Variants in PRDX3 observed in about 807,000 individuals in gnomAD.
PRDX3 encodes the protein thioredoxin-dependent peroxide reductase, mitochondrial.
PRDX3 carries 20 observed loss-of-function variants against 30.4 expected under a neutral mutation model. The observed-to-expected ratio is 0.66, with a 90% CI of 0.46 to 0.96. PRDX3 has a LOEUF of 0.96. Among genes scored for constraint, PRDX3 ranks in the 40% least tolerant of loss-of-function variants. The probability of loss-of-function intolerance (pLI) is 0.00; values close to 1 mark genes in which losing one functional copy is unlikely to be tolerated. For missense variants in PRDX3, 322 were observed against 318.3 expected (o/e 1.01, Z -0.09); for synonymous variants, 124 against 117.8 (o/e 1.05, Z -0.34).
intron 5 of PRDX3, among the ~76,000 whole-genome samples, chr10:119,172,023 G>A (rs1411407109): frequency 6.6e-6 from 1 of 152,234 alleles, no homozygotes; most frequent in Non-Finnish European, 1.5e-5. Context: ...ACCCAAGGTG[G>A]TGGAGGGGAC....
At chr10:119,174,389 T>C (rs9651422) in intron 3 of PRDX3, 62 bp downstream of exon 3, 1,503,801 of 1,509,846 alleles carry the variant, frequency 1, 749,040 homozygotes, top group East Asian at 1. Context: ...CAATTCAGTG[T>C]GGGAACAGGA....
chr10:119,169,255 G>C lies in PRDX3; in HGVS notation c.639C>G (p.Leu213=). The change falls in exon 6 of 7, where the codon CTC becomes CTG. Residue 213 remains leucine (L), a synonymous_variant. Coordinates refer to ENST00000298510, the MANE Select transcript of PRDX3 (RefSeq NM_006793.5). The stretch of plus-strand genomic sequence containing the variant: ...CATACTGGAACGCCTTCACCAAGCG[G>C]AGGGTTTCTTCCACGCTTCGGCCCA... ...LPVGRSVEET[L]RLVKAFQYVE... The C allele has an allele frequency of 6.2e-7, 1 of 1,613,866 alleles. No individual in the cohort carries two copies. The highest frequency in any genetic ancestry group is 8.5e-7 in the Non-Finnish European group (1 of 1,180,014).
At chr10:119,176,783 A>C (rs1848037802) in intron 2 of PRDX3, among the ~76,000 whole-genome samples, 2 of 152,230 alleles carry the variant, frequency 1.3e-5, no homozygotes, top group South Asian at 4.1e-4. Context: ...CAACATGGAA[A>C]TGTGACAAGG....
Position 119,169,318 on chromosome 10 carries a change from A to G in PRDX3, c.576T>C (p.Asn192=), listed in dbSNP as rs1268598121. The G allele has an allele frequency of 1.6e-5, 26 of 1,613,960 alleles. No individual in the cohort carries two copies. The highest frequency in any genetic ancestry group is 2.0e-5 in the Non-Finnish European group (24 of 1,179,966). The change falls in exon 6 of 7, where the codon AAT becomes AAC. Residue 192 remains asparagine, a synonymous_variant. Transcript: ENST00000298510. ...ALRGLFIIDP[N]GVIKHLSVND... ...TGACGCTCAAATGCTTGATGACTCC[A>G]TTGGGGTCAATTATGAAGAGACCTC...
In PRDX3 at chr10:119,172,411, C is replaced by A; in HGVS notation, c.522G>T (p.Val174=). ...GTGCAAGACCAGAACCTTCTAACAG[C>A]ACACCGTAGTCTCGGGAAATCTGCT... is the stretch of plus-strand genomic sequence containing the variant. The part of the protein sequence containing the change: ...LTKQISRDYG[V]LLEGSGLALR... The change falls in exon 5 of 7, where the codon GTG becomes GTT. Residue 174 remains valine, a synonymous_variant. Transcript: ENST00000298510. The A allele has an allele frequency of 6.2e-7, 1 of 1,613,936 alleles. No homozygotes were observed. Among genetic ancestry groups the A allele is most frequent in the Non-Finnish European group, 8.5e-7 (1 of 1,179,804 alleles).
At chr10:119,175,573 T>A (rs1166209470) in intron 2 of PRDX3, among the ~76,000 whole-genome samples, 2 of 151,138 alleles carry the variant, frequency 1.3e-5, no homozygotes, top group African/African-American at 2.4e-5. Context: ...TTTTTTGTAT[T>A]TTTAGTAGAG....
chr10:119,173,308 T>TAA (rs200887547), intron 4 of PRDX3, among the ~76,000 whole-genome samples: 1 of 151,720 alleles, frequency 6.6e-6, no homozygotes, highest in Non-Finnish European at 1.5e-5. Context: ...AGAGTAATAA[T>TAA]AAAAAAAATA....
chr10:119,169,403 T>C (rs775752145), intron 5 of PRDX3, 61 bp from the exon 6 acceptor site: 1 of 1,398,828 alleles, frequency 7.1e-7, no homozygotes, highest in Admixed American at 2.2e-5. Context: ...CAGTCTAACT[T>C]CTTCCCTTTT....
chr10:119,173,727 A>G lies in PRDX3; in HGVS notation c.447+10T>C, dbSNP rs1490418202. The stretch of plus-strand genomic sequence containing the variant: ...TTATAAGAGCAAAAGCTAGGGGTAC[A>G]ATGCCATACCTTTCTTGGTGTATTT... On this transcript the variant is annotated intron_variant, in intron 4 of 6. Transcript: ENST00000298510. 5 of 1,610,794 alleles carry G rather than the reference A, an allele frequency of 3.1e-6. No individual in the cohort carries two copies. The African/African-American group carries it at 5.3e-5, about 17-fold the overall frequency.
chr10:119,178,370 G>A (rs970138467), intron 1 of PRDX3, among the ~76,000 whole-genome samples: 8 of 152,200 alleles, frequency 5.3e-5, no homozygotes, highest in African/African-American at 1.9e-4. Flanking sequence ...CAGTATTTAA[G>A]GGGCTGTTCA....
At chr10:119,169,937 T>C (rs1268551010) in intron 5 of PRDX3, 2 of 152,414 alleles carry the variant, frequency 1.3e-5, no homozygotes, top group African/African-American at 4.8e-5. Flanking sequence ...GTTTATCTTC[T>C]GTGTTGGTGT....
Position 119,177,156 on chromosome 10 carries a change from G to A in PRDX3, c.37-3C>T, listed in dbSNP as rs750395077. 2.5e-6 allele frequency: 4 copies of A among 1,612,632 alleles called. No individual in the cohort carries two copies. Among genetic ancestry groups the A allele is most frequent in the Non-Finnish European group, 2.5e-6 (3 of 1,179,782 alleles). On this transcript the variant is annotated splice_polypyrimidine_tract_variant and splice_region_variant and intron_variant, in intron 1 of 6. Coordinates refer to ENST00000298510, the MANE Select transcript of PRDX3 (RefSeq NM_006793.5). ...ATGGCACTCACATGTCGGGCAACCT[G>A]GAAAGAGAAACTTTTTATTAGAAAG...
At chr10:119,172,993 C>A (rs1407728907) in intron 4 of PRDX3, among the ~76,000 whole-genome samples, 1 of 152,056 alleles carries the variant, frequency 6.6e-6, no homozygotes, top group Non-Finnish European at 1.5e-5. Flanking sequence ...GGCTGGAGTG[C>A]AGTGGTGCGA....
In PRDX3 at chr10:119,175,982, C is replaced by G. The variant is rs539601821; in HGVS notation, c.169+1039G>C. Among the ~76,000 whole-genome samples, 6 of 151,970 alleles carry G rather than the reference C, an allele frequency of 3.9e-5. No homozygotes were observed. In the South Asian group the frequency reaches 1.2e-3, roughly 32 times the overall value. The stretch of plus-strand genomic sequence containing the variant: ...TATTTTTAGTAGAGACGGGATTTCA[C>G]CAGGTTGGCCAGGATGGTCTTGAAC... On this transcript the variant is annotated intron_variant, in intron 2 of 6. Transcript: ENST00000298510.
rs765731734 is a variant in PRDX3 at position 119,169,241 on chromosome 10, G to A, written c.653C>T (p.Ala218Val). 13 of 1,613,474 alleles carry A rather than the reference G, an allele frequency of 8.1e-6. No homozygotes were observed. The highest frequency in any genetic ancestry group is 2.2e-5 in the South Asian group (2 of 91,050). The change falls in exon 6 of 7, where the codon GCG becomes GTG. Residue 218 changes from alanine to valine, a missense_variant. Transcript: ENST00000298510. ...TCCATGTGTTTCTACATACTGGAAC[G>A]CCTTCACCAAGCGGAGGGTTTCTTC... ...SVEETLRLVKAFQYVETHGEV... is the reference protein window; with the variant it reads ...SVEETLRLVKVFQYVETHGEV...
chr10:119,173,973 G>T, intron 3 of PRDX3, 101 bp from the exon 4 acceptor site: 1 of 1,247,698 alleles, frequency 8.0e-7, no homozygotes, highest in Admixed American at 2.4e-5. Flanking sequence ...GGTAAAAAAG[G>T]CAAAATGGTT....
At chr10:119,171,785 T>A (rs1313967892) in intron 5 of PRDX3, among the ~76,000 whole-genome samples, 1 of 152,172 alleles carries the variant, frequency 6.6e-6, no homozygotes, top group Non-Finnish European at 1.5e-5. Context: ...ACACAGCTAT[T>A]AAGTAGCTGA....
chr10:119,177,178 A>G, intron 1 of PRDX3, 25 bp from the exon 2 acceptor site: 2 of 1,611,122 alleles, frequency 1.2e-6, no homozygotes, highest in South Asian at 2.2e-5. Flanking sequence ...TTTTTATTAG[A>G]AAGTTTTCCT....
intron 3 of PRDX3, among the ~76,000 whole-genome samples, 160 bp from the exon 4 acceptor site, chr10:119,174,032 C>T (rs915585016): frequency 4.6e-5 from 7 of 152,126 alleles, no homozygotes; most frequent in African/African-American, 1.7e-4. Flanking sequence ...GTACTACTAC[C>T]TCCCCTCACC....
Sources: gnomAD v4.1 joint callset for allele counts (sites outside exome capture counted in the v4.1 genomes callset) on GRCh38, gnomAD v4.1.1 for gene constraint, MANE v1.5 for transcripts, NCBI Gene and HGNC (gene_info 2026-07-23, HGNC 2026-07-21) for gene names.